CAMK2G: variants seen among roughly 807,000 people sequenced by gnomAD.
The protein encoded by CAMK2G is calcium/calmodulin dependent protein kinase II gamma.
A neutral mutation model predicts 88.7 loss-of-function variants in CAMK2G; 23 were observed. The ratio of observed to expected loss-of-function variants is 0.26; its 90% CI spans 0.19 to 0.37. The LOEUF (loss-of-function observed/expected upper bound fraction) is 0.37. CAMK2G is among the 10% of genes least tolerant of loss of function. The pLI is 1.00. For missense variants in CAMK2G, 476 were observed against 780.8 expected (o/e 0.61, Z 4.65); for synonymous variants, 263 against 294.8 (o/e 0.89, Z 1.11).
intron 3 of CAMK2G, among the ~76,000 whole-genome samples, chr10:73,854,573 A>G (rs547069877): frequency 6.6e-6 from 1 of 152,310 alleles, no homozygotes; most frequent in East Asian, 1.9e-4. Flanking sequence ...CACTTCAGGA[A>G]TGGCCTGACA....
intron 14 of CAMK2G, among the ~76,000 whole-genome samples, chr10:73,836,124 A>G (rs903850130): frequency 6.6e-6 from 1 of 152,172 alleles, no homozygotes; most frequent in African/African-American, 2.4e-5. Flanking sequence ...GTGAGCCACC[A>G]AGCCTGACCC....
At chr10:73,857,158 C>T (rs553042681) in intron 3 of CAMK2G, among the ~76,000 whole-genome samples, 88 of 152,310 alleles carry the variant, frequency 5.8e-4, no homozygotes, top group Admixed American at 9.8e-4. Context: ...CTTTGCTACA[C>T]TTACTGTTAG....
intron 10 of CAMK2G, among the ~76,000 whole-genome samples, chr10:73,843,556 C>A (rs1456011288): frequency 6.6e-6 from 1 of 152,050 alleles, no homozygotes; most frequent in Non-Finnish European, 1.5e-5. Flanking sequence ...GTAGGGCCTG[C>A]AAAAATGACC....
chr10:73,859,481 G>A (rs778098170), intron 3 of CAMK2G, among the ~76,000 whole-genome samples: 1 of 152,208 alleles, frequency 6.6e-6, no homozygotes, highest in South Asian at 2.1e-4. Context: ...TGTGACTGCT[G>A]TTCTAGGTGT....
chr10:73,828,837 G>A (rs1307506775), intron 14 of CAMK2G, among the ~76,000 whole-genome samples: 2 of 152,216 alleles, frequency 1.3e-5, no homozygotes, highest in African/African-American at 2.4e-5. Flanking sequence ...GTTGAAAGCA[G>A]TGATTCCTCA....
chr10:73,857,073 C>A (rs1180132412), intron 3 of CAMK2G, among the ~76,000 whole-genome samples: 6 of 152,174 alleles, frequency 3.9e-5, no homozygotes, highest in Non-Finnish European at 7.4e-5. Context: ...GGGCTCCCCC[C>A]ACCCCCACCA....
At chr10:73,873,447 C>A in intron 1 of CAMK2G, 1 of 1,107,564 alleles carries the variant, frequency 9.0e-7, no homozygotes, top group South Asian at 2.8e-5. Flanking sequence ...CAGAAGGGAG[C>A]AGAGAGACCC....
chr10:73,822,380 C>T (rs2089226387), intron 17 of CAMK2G, among the ~76,000 whole-genome samples: 3 of 152,176 alleles, frequency 2.0e-5, no homozygotes, highest in Admixed American at 2.0e-4. Context: ...GTTGGCCAGG[C>T]TGGTCTCGAG....
At chr10:73,862,683 C>T (rs933499181) in intron 2 of CAMK2G, among the ~76,000 whole-genome samples, 3 of 152,210 alleles carry the variant, frequency 2.0e-5, no homozygotes, top group Non-Finnish European at 2.9e-5. Flanking sequence ...TCTTTCTCCA[C>T]CCCTGTGCTA....
At position 73,815,243 on chromosome 10, in the gene CAMK2G, C is replaced by T. The variant is rs201730403; in HGVS notation, c.1539G>A (p.Leu513=). The change falls in exon 22 of 23, where the codon CTG becomes CTA. Residue 513 remains leucine (L), a synonymous_variant. Transcript: ENST00000423381. ...DFHKFYFENL[L]SKNSKPIHTT... The stretch of plus-strand genomic sequence containing the variant: ...TATGGATAGGCTTGCTGTTCTTGGA[C>T]AGGACTGCAGGGCAGGGTGGGGTAG... 4 of 1,609,806 alleles carry T rather than the reference C, an allele frequency of 2.5e-6. No individual in the cohort carries two copies. The highest frequency in any genetic ancestry group is 2.6e-6 in the Non-Finnish European group (3 of 1,176,254).
At chr10:73,825,414 G>T in intron 15 of CAMK2G, 67 bp from the exon 16 acceptor site, 1 of 1,231,210 alleles carries the variant, frequency 8.1e-7, no homozygotes, top group Non-Finnish European at 1.2e-6. Flanking sequence ...TCAACTCCCA[G>T]ACCTCCCTTG....
At chr10:73,828,164 A>T (rs986744599) in intron 14 of CAMK2G, 43 bp from the exon 15 acceptor site, 1 of 1,545,670 alleles carries the variant, frequency 6.5e-7, no homozygotes, top group African/African-American at 1.4e-5. Context: ...GGGAAAGAGG[A>T]GGTAAGAAGA....
chr10:73,819,889 C>T (rs972021841), intron 18 of CAMK2G, among the ~76,000 whole-genome samples: 2 of 152,290 alleles, frequency 1.3e-5, no homozygotes, highest in Admixed American at 6.5e-5. Context: ...GGCTTCCAGA[C>T]GAGCCTTACA....
chr10:73,824,908 C>T (rs951767112), intron 16 of CAMK2G, among the ~76,000 whole-genome samples: 4 of 152,208 alleles, frequency 2.6e-5, no homozygotes, highest in African/African-American at 9.6e-5. Context: ...CCTCCAAGAA[C>T]TGATGTTCAG....
chr10:73,831,751 T>C (rs1226635369), intron 14 of CAMK2G, among the ~76,000 whole-genome samples: 3 of 151,256 alleles, frequency 2.0e-5, no homozygotes, highest in Non-Finnish European at 4.4e-5. Context: ...TCCCAGCTAC[T>C]CAGGAGGCTG....
At chr10:73,823,680 A>AC (rs1266639249) in intron 17 of CAMK2G, among the ~76,000 whole-genome samples, 3 of 152,244 alleles carry the variant, frequency 2.0e-5, no homozygotes, top group Admixed American at 2.0e-4. Flanking sequence ...CAAAGGGGTC[A>AC]GGCCATGGAG....
At chr10:73,819,130 T>G (rs1395808398) in intron 19 of CAMK2G, among the ~76,000 whole-genome samples, 1 of 152,146 alleles carries the variant, frequency 6.6e-6, no homozygotes, top group Non-Finnish European at 1.5e-5. Flanking sequence ...ACTGTTATGC[T>G]GAGACTCAGG....
At chr10:73,865,331 G>A (rs1261275144) in intron 2 of CAMK2G, among the ~76,000 whole-genome samples, 2 of 152,152 alleles carry the variant, frequency 1.3e-5, no homozygotes, top group Non-Finnish European at 2.9e-5. Flanking sequence ...GGGGAACGCC[G>A]CAGGAAGTGC....
chr10:73,838,982 T>C (rs1311048456), intron 13 of CAMK2G, among the ~76,000 whole-genome samples: 4 of 152,054 alleles, frequency 2.6e-5, no homozygotes, highest in Admixed American at 6.6e-5. Flanking sequence ...ATCATCCCCA[T>C]TGGAGAGGTG....
Sources: gnomAD v4.1 joint callset for allele counts (sites outside exome capture counted in the v4.1 genomes callset) on GRCh38, gnomAD v4.1.1 for gene constraint, MANE v1.5 for transcripts, NCBI Gene and HGNC (gene_info 2026-07-23, HGNC 2026-07-21) for gene names.